The following SNX24 variants were observed in gnomAD, a reference collection of about 807,000 sequenced individuals.
SNX24 encodes sorting nexin 24.
Under a neutral mutation model 28.7 loss-of-function variants are expected in SNX24, and 22 were observed. The observed-to-expected ratio is 0.77, with a 90% CI of 0.55 to 1.10. The LOEUF is 1.10. SNX24 is among the 50% of genes least tolerant of loss of function. The pLI, the probability that SNX24 is intolerant of heterozygous loss-of-function variation, is 0.00. For missense variants in SNX24, 221 were observed against 201.1 expected (o/e 1.10, Z -0.60); for synonymous variants, 69 against 71.5 (o/e 0.96, Z 0.18).
chr5:122,941,986 C>T (rs1759471508), intron 2 of SNX24, among the ~76,000 whole-genome samples: 2 of 152,160 alleles, frequency 1.3e-5, no homozygotes. Context: ...TGAGTGCTTT[C>T]CTGTGTGCCT....
intron 1 of SNX24, among the ~76,000 whole-genome samples, chr5:122,935,814 T>A (rs1313629367): frequency 6.6e-6 from 1 of 152,206 alleles, no homozygotes; most frequent in Non-Finnish European, 1.5e-5. Context: ...AGTTTTGTAT[T>A]TTTTTCAGAA....
chr5:123,019,452 C>T (rs549647067), intron 5 of SNX24, among the ~76,000 whole-genome samples: 2 of 152,210 alleles, frequency 1.3e-5, no homozygotes, highest in Admixed American at 6.5e-5. Context: ...TAACTCAAAA[C>T]GGCTAAACTA....
chr5:122,963,804 A>G (rs1183003006), intron 3 of SNX24, among the ~76,000 whole-genome samples: 1 of 152,232 alleles, frequency 6.6e-6, no homozygotes, highest in Non-Finnish European at 1.5e-5. Flanking sequence ...TTCTTCACAG[A>G]CATTAAAATT....
chr5:123,025,638 A>G (rs1762839835), intron 5 of SNX24: 1 of 794,108 alleles, frequency 1.3e-6, no homozygotes, highest in Non-Finnish European at 2.0e-6. Context: ...AAAATGCCAT[A>G]CCATATATAA....
rs149059275 is a variant in SNX24, at chr5:123,023,973, T to G, written n.384-5265T>G. 1.6e-5 allele frequency: 26 copies of G among 1,614,032 alleles called. No homozygotes were observed. In the East Asian group the frequency reaches 5.6e-4, roughly 35 times the overall value. ...GTGAGTGGACGGTCATGCCCATCAGTTGCTTGGAGCTCTATGGAGTGCACC... is the reference window on the plus strand; with the variant it reads ...GTGAGTGGACGGTCATGCCCATCAGGTGCTTGGAGCTCTATGGAGTGCACC... On this transcript the variant is annotated intron_variant and non_coding_transcript_variant, in intron 5 of 5. Coordinates refer to the SNX24 transcript ENST00000502387.
rs11742203 is a variant in SNX24 at position 122,870,704 on chromosome 5, G to T, written c.60+25011G>T. Among the ~76,000 whole-genome samples the T allele has an allele frequency of 6.0e-3, 917 of 152,294 alleles. 21 individuals carry two copies. The highest frequency in any genetic ancestry group is 5.7e-3 in the Non-Finnish European group (385 of 68,016). On this transcript the variant is annotated intron_variant, in intron 1 of 6. Coordinates refer to ENST00000261369, the MANE Select transcript of SNX24 (RefSeq NM_014035.4). ...AGGGGAGACTCATGCAGCATTTCTT[G>T]TAAGCGGGCATGCACGTGTGCAGGG...
intron 2 of SNX24, among the ~76,000 whole-genome samples, chr5:122,940,419 T>A (rs1759388649): frequency 6.6e-6 from 1 of 152,174 alleles, no homozygotes; most frequent in Non-Finnish European, 1.5e-5. Context: ...AAACACCATT[T>A]TTACCTCCAT....
At chr5:122,997,013 T>C (rs1762074197) in intron 3 of SNX24, among the ~76,000 whole-genome samples, 1 of 152,216 alleles carries the variant, frequency 6.6e-6, no homozygotes, top group African/African-American at 2.4e-5. Flanking sequence ...GGAACAGTTG[T>C]GAGGTCCAGC....
intron 3 of SNX24, among the ~76,000 whole-genome samples, chr5:122,992,964 C>CTT (rs35758148): frequency 2.8e-5 from 4 of 143,496 alleles, no homozygotes; most frequent in Non-Finnish European, 3.0e-5. Context: ...AAATGTATTC[C>CTT]TTTTTTTTTT....
chr5:122,954,162 C>T (rs1392171808), intron 3 of SNX24, among the ~76,000 whole-genome samples: 3 of 148,326 alleles, frequency 2.0e-5, no homozygotes, highest in African/African-American at 7.5e-5. Flanking sequence ...AATGTGTATT[C>T]TTAAATTCTC....
intron 1 of SNX24, among the ~76,000 whole-genome samples, chr5:122,903,011 A>G (rs1331959817): frequency 6.6e-6 from 1 of 152,120 alleles, no homozygotes; most frequent in Non-Finnish European, 1.5e-5. Flanking sequence ...CACCCTGTAT[A>G]CAGAGAACTC....
downstream of SNX24, among the ~76,000 whole-genome samples, chr5:123,013,565 G>T (rs1037922409): frequency 6.6e-6 from 1 of 152,114 alleles, no homozygotes; most frequent in African/African-American, 2.4e-5. Context: ...GAGGGTGAAG[G>T]TCTATTTTTG....
chr5:122,884,531 A>G (rs578256590), intron 1 of SNX24, among the ~76,000 whole-genome samples: 2 of 152,182 alleles, frequency 1.3e-5, no homozygotes, highest in Admixed American at 1.3e-4. Context: ...GATTACAGGT[A>G]TGAGCCAGCA....
At chr5:122,941,472 A>C (rs888600182) in intron 2 of SNX24, among the ~76,000 whole-genome samples, 2 of 152,154 alleles carry the variant, frequency 1.3e-5, no homozygotes, top group Non-Finnish European at 2.9e-5. Context: ...GATCTATTCA[A>C]ACCAAGACAT....
intron 1 of SNX24, among the ~76,000 whole-genome samples, chr5:122,904,216 C>G (rs1191593570): frequency 6.6e-6 from 1 of 151,526 alleles, no homozygotes; most frequent in African/African-American, 2.4e-5. Flanking sequence ...GAGTTTCACT[C>G]TTGTTGCCCA....
intron 1 of SNX24, among the ~76,000 whole-genome samples, chr5:122,876,772 C>T (rs565843697): frequency 5.3e-5 from 8 of 152,208 alleles, no homozygotes; most frequent in South Asian, 2.1e-4. Flanking sequence ...GTGCAGTACC[C>T]GGAAGACCTC....
rs376110661 is a variant in SNX24 at position 122,870,982 on chromosome 5, C to G, written c.60+25289C>G. Among the ~76,000 whole-genome samples the G allele has an allele frequency of 2.0e-5, 3 of 152,232 alleles. No individual in the cohort carries two copies. The East Asian group carries it at 5.8e-4, about 29-fold the overall frequency. On this transcript the variant is annotated intron_variant, in intron 1 of 6. Coordinates refer to ENST00000261369, the MANE Select transcript of SNX24 (RefSeq NM_014035.4). ...TGGAGAGCTTTACAAACTACTGATG[C>G]CTGGGGCCCACCCTCAGAGAATCTG...
intron 3 of SNX24, among the ~76,000 whole-genome samples, chr5:122,967,248 C>G (rs1760750527): frequency 6.6e-6 from 1 of 152,188 alleles, no homozygotes; most frequent in South Asian, 2.1e-4. Context: ...ACCATACTAG[C>G]TCAGCAGCAG....
At chr5:122,916,728 A>G (rs1425583033) in intron 1 of SNX24, among the ~76,000 whole-genome samples, 1 of 152,220 alleles carries the variant, frequency 6.6e-6, no homozygotes. Flanking sequence ...TTCCCAAAAT[A>G]CAATCTCTGA....
Sources: gnomAD v4.1 joint callset for allele counts (sites outside exome capture counted in the v4.1 genomes callset) on GRCh38, gnomAD v4.1.1 for gene constraint, MANE v1.5 for transcripts, NCBI Gene and HGNC (gene_info 2026-07-23, HGNC 2026-07-21) for gene names.